The following SLC47A2 variants were observed in gnomAD, a reference collection of about 807,000 sequenced individuals.
SLC47A2 encodes the protein solute carrier family 47 member 2, also known as multidrug and toxin extrusion protein 2.
Under a neutral mutation model 67.7 loss-of-function variants are expected in SLC47A2, and 52 were observed. The observed-to-expected ratio is 0.77, with a 90% CI of 0.61 to 0.97. The LOEUF is 0.97. Among genes scored for constraint, SLC47A2 ranks in the 50% least tolerant of loss-of-function variants. The probability of loss-of-function intolerance (pLI) is 0.00; values close to 1 mark genes in which losing one functional copy is unlikely to be tolerated. For missense variants in SLC47A2, 676 were observed against 712.3 expected, an observed-to-expected ratio of 0.95 and a Z score of 0.58; for synonymous variants, 278 against 292.9, an observed-to-expected ratio of 0.95 and a Z score of 0.52.
intron 10 of SLC47A2, chr17:19,704,513 A>C: frequency 1.1e-6 from 1 of 888,248 alleles, no homozygotes; most frequent in Admixed American, 2.9e-5. Flanking sequence ...TCTTAGTCCC[A>C]GAAAAGCTCC....
intron 4 of SLC47A2, 33 bp downstream of exon 4, chr17:19,713,792 A>C (rs1460580282): frequency 1.9e-6 from 3 of 1,592,222 alleles, no homozygotes; most frequent in Non-Finnish European, 2.6e-6. Context: ...GTTTCCCAGC[A>C]AGCCCCACCT....
chr17:19,715,188 G>C lies in SLC47A2; in HGVS notation c.153C>G (p.Ile51Met), dbSNP rs1312637993. 6.2e-7 allele frequency: 1 copy of C among 1,611,376 alleles called. No individual in the cohort carries two copies. Among genetic ancestry groups the C allele is most frequent in the African/African-American group, 1.3e-5 (1 of 74,956 alleles). Residue 51 changes from isoleucine (I) to methionine (M), a missense_variant, in exon 2 of 17, where the codon ATC (isoleucine) becomes ATG (methionine). Coordinates refer to ENST00000433844, the MANE Select transcript of SLC47A2 (RefSeq NM_001099646.3). ...CGCAGAACACAGTGCTCACGATGTA[G>C]ATCATAAAAGTCAGCACCTGGAACA... ...LFLFQVLTFM[I>M]YIVSTVFCGH...
intron 13 of SLC47A2, chr17:19,701,955 A>T (rs1344386441): frequency 5.2e-6 from 1 of 191,630 alleles, no homozygotes; most frequent in Non-Finnish European, 9.6e-6. Flanking sequence ...ACGAAAATTT[A>T]AAAATTAGCT....
At chr17:19,695,515 C>CAAAAAAAAAAAAAAAAA in intron 13 of SLC47A2, among the ~76,000 whole-genome samples, 1 of 91,406 alleles carries the variant, frequency 1.1e-5, no homozygotes, top group Non-Finnish European at 2.3e-5. Flanking sequence ...AAAAAAACAG[C>CAAAAAAAAAAAAAAAAA]AAAAAAAAAA....
chr17:19,705,516 C>T lies in SLC47A2; in HGVS notation c.842-13G>A, dbSNP rs1051152304. The T allele has an allele frequency of 2.5e-6, 4 of 1,603,100 alleles. No homozygotes were observed. The highest frequency in any genetic ancestry group is 2.6e-6 in the Non-Finnish European group (3 of 1,176,052). ...ACACTGAGCAGCCCTAGAGAAGAGG[C>T]CCGCCGTGAGTCCGGCCCGCAGCCC... On this transcript the variant is annotated splice_polypyrimidine_tract_variant and intron_variant, in intron 9 of 16. Transcript: ENST00000433844.
chr17:19,699,281 A>G (rs557876172), intron 13 of SLC47A2, among the ~76,000 whole-genome samples: 2 of 152,332 alleles, frequency 1.3e-5, no homozygotes, highest in South Asian at 2.1e-4. Flanking sequence ...AAAAGTTAAA[A>G]CCACAGACAT....
intron 11 of SLC47A2, among the ~76,000 whole-genome samples, 178 bp downstream of exon 11, chr17:19,703,892 C>A (rs911481338): frequency 7.2e-5 from 11 of 152,160 alleles, no homozygotes; most frequent in African/African-American, 2.7e-4. Flanking sequence ...CAGGGAGGGG[C>A]AGCTGTCAGC....
chr17:19,700,979 C>A (rs2085771175), intron 13 of SLC47A2, among the ~76,000 whole-genome samples: 1 of 151,176 alleles, frequency 6.6e-6, no homozygotes, highest in African/African-American at 2.4e-5. Context: ...ACTAGCCTGG[C>A]CAACATGGTG....
intron 4 of SLC47A2, 91 bp from the exon 5 acceptor site, chr17:19,712,836 G>T (rs540551508): frequency 7.9e-7 from 1 of 1,261,976 alleles, no homozygotes; most frequent in Non-Finnish European, 1.1e-6. Context: ...CTGGGTGCTC[G>T]GCCGCTGTCC....
intron 13 of SLC47A2, among the ~76,000 whole-genome samples, chr17:19,683,492 G>A (rs72841907): frequency 0.013 from 1,970 of 152,324 alleles, 18 homozygotes; most frequent in Non-Finnish European, 0.019. Context: ...CAGTGGACTA[G>A]GCAGGGATTT....
chr17:19,699,406 G>A (rs1287584491), intron 13 of SLC47A2, among the ~76,000 whole-genome samples: 2 of 151,936 alleles, frequency 1.3e-5, no homozygotes, highest in Non-Finnish European at 2.9e-5. Context: ...TAGAGATGGG[G>A]GTCTCACTCT....
At chr17:19,694,665 C>T (rs2085617504) in intron 13 of SLC47A2, among the ~76,000 whole-genome samples, 1 of 152,202 alleles carries the variant, frequency 6.6e-6, no homozygotes, top group African/African-American at 2.4e-5. Flanking sequence ...CACCTGTAAT[C>T]CCAGCACTTT....
rs1301562788 is a variant in SLC47A2 at position 19,704,609 on chromosome 17, C to T, written c.910-431G>A. 2.0e-6 allele frequency: 3 copies of T among 1,484,368 alleles called. No individual in the cohort carries two copies. The East Asian group carries it at 7.5e-5, about 37-fold the overall frequency. The allele number at this position is 1,484,368 out of a possible 1,614,324, so 91.9% of individuals were successfully genotyped here. A position where few individuals can be genotyped will look rare whatever the true frequency, so the allele number is the denominator to read the frequency against. On this transcript the variant is annotated intron_variant, in intron 10 of 16. Coordinates refer to ENST00000433844, the MANE Select transcript of SLC47A2 (RefSeq NM_001099646.3). The stretch of plus-strand genomic sequence containing the variant: ...TTTTGTAATGTAGATTTTTGTGACT[C>T]CTTTGCTTAAAGCTGGGGTCAGGGA...
At chr17:19,684,531 A>G (rs1287687903) in intron 13 of SLC47A2, among the ~76,000 whole-genome samples, 1 of 152,038 alleles carries the variant, frequency 6.6e-6, no homozygotes, top group African/African-American at 2.4e-5. Context: ...AGAAGAACAA[A>G]CTATACCTAA....
rs916210655 is a variant in SLC47A2, at chr17:19,715,000, C to T, written c.225+116G>A. ...CCACCTGTGAAGGCAGCTGTCCAGC[C>T]ACGTGGGCTGTGTCTTCCCATCCCT... is the stretch of plus-strand genomic sequence containing the variant. On this transcript the variant is annotated intron_variant, in intron 2 of 16. Transcript: ENST00000433844. 13 of 1,314,344 alleles carry T rather than the reference C, an allele frequency of 9.9e-6. No individual in the cohort carries two copies. In the Admixed American group the frequency reaches 2.1e-4, roughly 21 times the overall value. The allele number at this position is 1,314,344 out of a possible 1,614,324, so 81.4% of individuals were successfully genotyped here.
chr17:19,702,404 T>C (rs1674058241), intron 13 of SLC47A2: 1 of 985,340 alleles, frequency 1.0e-6, no homozygotes, highest in Admixed American at 6.1e-5. Flanking sequence ...TGAGCTCGTG[T>C]AAATTGCAGA....
At chr17:19,681,926 A>G (rs1000692108) in intron 13 of SLC47A2, among the ~76,000 whole-genome samples, 3 of 152,132 alleles carry the variant, frequency 2.0e-5, no homozygotes, top group Non-Finnish European at 2.9e-5. Context: ...GCCACACCAT[A>G]TGGCCTCCCT....
At position 19,678,645 on chromosome 17, in the gene SLC47A2, G is replaced by A. The variant is rs1328328068; in HGVS notation, c.*41C>T. On this transcript the variant is annotated 3_prime_UTR_variant, in exon 17 of 17. Coordinates refer to ENST00000433844, the MANE Select transcript of SLC47A2 (RefSeq NM_001099646.3). ...GCAGACCGTGGTGTGTTTGCATACT[G>A]GGGACAGCCACTCCTGGCTTTCTAT... 3 of 1,597,434 alleles carry A rather than the reference G, an allele frequency of 1.9e-6. No homozygotes were observed. The highest frequency in any genetic ancestry group is 2.6e-6 in the Non-Finnish European group (3 of 1,167,258).
At chr17:19,704,785 G>C in intron 10 of SLC47A2, 1 of 1,072,170 alleles carries the variant, frequency 9.3e-7, no homozygotes, top group Non-Finnish European at 1.3e-6. Flanking sequence ...GCCGACTGCA[G>C]TGTGCAGGAA....
Sources: gnomAD v4.1 joint callset for allele counts (sites outside exome capture counted in the v4.1 genomes callset) on GRCh38, gnomAD v4.1.1 for gene constraint, MANE v1.5 for transcripts, NCBI Gene and HGNC (gene_info 2026-07-23, HGNC 2026-07-21) for gene names.